Variants in SHOX observed in about 807,000 individuals in gnomAD.
SHOX encodes the protein short stature homeobox protein.
SHOX carries 12 observed loss-of-function variants against 29.6 expected under a neutral mutation model. The ratio of observed to expected loss-of-function variants is 0.41; its 90% CI spans 0.26 to 0.66. The LOEUF is 0.66. Ranked by LOEUF, SHOX falls within the 30% of genes least tolerant of loss-of-function variation. The pLI is 0.35. For synonymous variants in SHOX, 214 were observed against 200.6 expected (o/e 1.07, Z -0.57); for missense variants, 499 against 437.7 (o/e 1.14, Z -1.25).
chrX:642,744 C>T (rs750552405), intron 4 of SHOX, among the ~76,000 whole-genome samples: 28 of 151,572 alleles, frequency 1.8e-4, no homozygotes, highest in African/African-American at 5.8e-4. Context: ...CTGGTATCCC[C>T]GGGAGAGGCT....
chrX:628,845 G>GTC (rs2052592737), upstream of SHOX, among the ~76,000 whole-genome samples: 1 of 8,092 alleles, frequency 1.2e-4, no homozygotes, highest in East Asian at 1.2e-3. Flanking sequence ...GTCTCTCCCT[G>GTC]TGTTTCTCTC....
chrX:653,493 C>T (rs1432233750), downstream of SHOX, among the ~76,000 whole-genome samples: 1 of 152,156 alleles, frequency 6.6e-6, no homozygotes, highest in East Asian at 1.9e-4. Context: ...ATGGAATCTT[C>T]CTGGATATCG....
At chrX:655,614 CTATATATATATATATATATATATA>C (rs1173014302), downstream of SHOX, among the ~76,000 whole-genome samples, 36 of 35,082 alleles carry the variant, frequency 1.0e-3, no homozygotes, top group East Asian at 4.6e-3. Flanking sequence ...CTCTCTCTCT[CTATATATATATATATATATATATA>C]TATATATATA....
downstream of SHOX, among the ~76,000 whole-genome samples, chrX:654,598 C>G: frequency 6.9e-6 from 1 of 143,990 alleles, no homozygotes; most frequent in Non-Finnish European, 1.5e-5. Flanking sequence ...CATTTTATAA[C>G]AATTAAAAAA....
downstream of SHOX, among the ~76,000 whole-genome samples, chrX:652,790 T>C (rs748182188): frequency 3.2e-4 from 48 of 152,326 alleles, no homozygotes; most frequent in African/African-American, 1.1e-3. Context: ...TCACCCAGCC[T>C]GTGTGTGTCT....
At chrX:628,517 CTGTT>C (rs1238361401), upstream of SHOX, among the ~76,000 whole-genome samples, 2 of 94,644 alleles carry the variant, frequency 2.1e-5, no homozygotes, top group African/African-American at 4.0e-5. Context: ...CTCTCCCTGT[CTGTT>C]TCTCTCTCTC....
rs2052942436 is a variant in SHOX at position 645,156 on chromosome X, G to GGCA, written c.*522_*524dup. 1 of 152,610 alleles carries GGCA rather than the reference G, an allele frequency of 6.6e-6. No homozygotes were observed. Among genetic ancestry groups the GGCA allele is most frequent in the South Asian group, 2.1e-4 (1 of 4,832 alleles). The allele number at this position is 152,610 out of a possible 1,614,324, so 9.5% of individuals were successfully genotyped here. Reference sequence around the variant, plus strand: ...GAATGTGGACTTCGGAATCCCAGGAGGCAGGGGCCGGGCTCTCCTCCACCG... The same window carrying GGCA: ...GAATGTGGACTTCGGAATCCCAGGAGGCAGCAGGGGCCGGGCTCTCCTCCACCG... On this transcript the variant is annotated 3_prime_UTR_variant, in exon 5 of 5. Transcript: ENST00000686671.
Position 630,953 on chromosome X carries a change from G to A in SHOX, c.56G>A (p.Gly19Asp), listed in dbSNP as rs748023493. 1.5e-5 allele frequency: 24 copies of A among 1,613,740 alleles called. No individual in the cohort carries two copies. The highest frequency in any genetic ancestry group is 8.0e-5 in the African/African-American group (6 of 74,916). Residue 19 changes from glycine (G) to aspartate (D), a missense_variant, in exon 1 of 5, where the codon GGT becomes GAT. Transcript: ENST00000686671. ...SKSFDQKSKD[G>D]NGGGGGGGGK... Reference sequence around the variant, plus strand: ...TCTTTTGACCAGAAAAGCAAGGACGGTAACGGCGGAGGCGGAGGCGGCGGA... The same window carrying A: ...TCTTTTGACCAGAAAAGCAAGGACGATAACGGCGGAGGCGGAGGCGGCGGA...
intron 2 of SHOX, 121 bp downstream of exon 2, chrX:634,947 G>C (rs1290979817): frequency 1.9e-6 from 2 of 1,046,820 alleles, no homozygotes; most frequent in Non-Finnish European, 1.4e-6. Flanking sequence ...AGCGCGGGGA[G>C]GTTGGGTGAG....
At position 649,884 on chromosome X, in the gene SHOX, A is replaced by T. The variant is rs1184712125; in HGVS notation, c.*5248A>T. 1 of 455,776 alleles carries T rather than the reference A, an allele frequency of 2.2e-6. No homozygotes were observed. The highest frequency in any genetic ancestry group is 4.4e-6 in the Non-Finnish European group (1 of 226,768). 28.2% of individuals were successfully genotyped at this position (455,776 alleles called of 1,614,324 possible). ...CTTCCTTTGAGTGGCTGTTCTGGTG[A>T]AATCTGTTTCTGACATATCCACTTT... On this transcript the variant is annotated 3_prime_UTR_variant, in exon 5 of 5. Coordinates refer to ENST00000686671, the MANE Select transcript of SHOX (RefSeq NM_000451.4).
At chrX:654,003 C>T (rs370127945), downstream of SHOX, among the ~76,000 whole-genome samples, 6 of 152,132 alleles carry the variant, frequency 3.9e-5, no homozygotes, top group South Asian at 2.1e-4. Flanking sequence ...TAGTGTCGGT[C>T]GTCTACTCTA....
In SHOX at chrX:631,067, A is replaced by G. The variant is rs150426690; in HGVS notation, c.170A>G (p.Gln57Arg). The G allele has an allele frequency of 2.7e-5, 44 of 1,613,694 alleles. No individual in the cohort carries two copies. The African/African-American group carries it at 4.9e-4, about 18-fold the overall frequency. ...RELGTSDSSL[Q>R]DITEGGGHCP... The stretch of plus-strand genomic sequence containing the variant: ...CTGGGGACGTCGGATTCCAGCCTCC[A>G]GGACATCACGGAGGGCGGCGGCCAC... The change falls in exon 1 of 5, where the codon CAG (glutamine) becomes CGG (arginine). Residue 57 changes from glutamine (Q) to arginine (R), a missense_variant. By Grantham distance (43) the Gln-to-Arg change is conservative. Transcript: ENST00000686671.
chrX:632,490 C>T (rs2052668273), intron 1 of SHOX, among the ~76,000 whole-genome samples: 1 of 152,164 alleles, frequency 6.6e-6, no homozygotes, highest in Non-Finnish European at 1.5e-5. Context: ...TTTGCTGATT[C>T]GCAGAGTTGA....
intron 3 of SHOX, 30 bp from the exon 4 acceptor site, chrX:640,969 C>A: frequency 6.2e-7 from 1 of 1,613,492 alleles, no homozygotes; most frequent in Non-Finnish European, 8.5e-7. Flanking sequence ...CCAGGACCAC[C>A]ACACTGACAC....
chrX:640,926 G>A, intron 3 of SHOX, 48 bp downstream of exon 3: 1 of 1,613,614 alleles, frequency 6.2e-7, no homozygotes, highest in Non-Finnish European at 8.5e-7. Context: ...TCCTGCTCCA[G>A]GAGGGATGGG....
At chrX:655,638 A>G (rs866331229), downstream of SHOX, among the ~76,000 whole-genome samples, 5 of 108,072 alleles carry the variant, frequency 4.6e-5, no homozygotes, top group Non-Finnish European at 9.8e-5. Context: ...ATATATATAT[A>G]TATATATATA....
chrX:655,568 G>GTCTCTCTGTCTCTCTC (rs1486294545), downstream of SHOX, among the ~76,000 whole-genome samples: 1 of 87,856 alleles, frequency 1.1e-5, no homozygotes, highest in African/African-American at 4.6e-5. Flanking sequence ...CTCTCTCTCT[G>GTCTCTCTGTCTCTCTC]TCTCTCTCTC....
rs17148912 is a variant in SHOX at position 651,024 on chromosome X, A to G, written c.*6388A>G. Among the ~76,000 whole-genome samples, 10,081 of 152,114 alleles carry G rather than the reference A, an allele frequency of 0.066. 375 individuals carry two copies. The highest frequency in any genetic ancestry group is 0.11 in the South Asian group (532 of 4,814). On this transcript the variant is annotated 3_prime_UTR_variant, in exon 5 of 5. Transcript: ENST00000686671. ...AAAGGGGATGTGGCTTCACGAGTTC[A>G]GCCCATTGTACGTGCAGGTCCCGTG...
intron 4 of SHOX, among the ~76,000 whole-genome samples, chrX:642,483 ACCCCGAGCGCTGGTCG>A (rs1422454772): frequency 6.6e-6 from 1 of 151,788 alleles, no homozygotes; most frequent in African/African-American, 2.4e-5. Context: ...TCAGAAATGG[ACCCCGAGCGCTGGTCG>A]CCGCTAGCTC....
Sources: allele counts gnomAD v4.1 joint callset (sites outside exome capture counted in the v4.1 genomes callset), GRCh38; gene constraint gnomAD v4.1.1; transcripts MANE v1.5; gene names NCBI Gene and HGNC (gene_info 2026-07-23, HGNC 2026-07-21).